The following DAB1 variants were observed in gnomAD, a reference collection of about 807,000 sequenced individuals.
DAB1 encodes the protein DAB adaptor protein 1, also known as disabled homolog 1.
In DAB1, 15 loss-of-function variants were observed where a neutral mutation model predicts 64.6. The observed-to-expected ratio is 0.23, with a 90% CI of 0.16 to 0.36. The LOEUF (loss-of-function observed/expected upper bound fraction) is 0.36, where lower values mean the gene tolerates loss of function less well. DAB1 is among the 10% of genes least tolerant of loss of function. The probability of loss-of-function intolerance (pLI) is 1.00; values close to 1 mark genes in which losing one functional copy is unlikely to be tolerated. For synonymous variants in DAB1, 235 were observed against 251.9 expected (o/e 0.93, Z 0.64); for missense variants, 596 against 706.7 (o/e 0.84, Z 1.78).
intron 1 of DAB1, among the ~76,000 whole-genome samples, chr1:57,342,271 A>G (rs895185116): frequency 3.9e-5 from 6 of 152,012 alleles, no homozygotes; most frequent in Non-Finnish European, 5.9e-5. Flanking sequence ...TTCTATTATC[A>G]TTCCCTCCAT....
chr1:57,989,054 G>A (rs1179078836), intron 5 of DAB1, among the ~76,000 whole-genome samples: 1 of 152,152 alleles, frequency 6.6e-6, no homozygotes. Context: ...TTGAAGTCAA[G>A]TGGGCCTGGG....
intron 1 of DAB1, among the ~76,000 whole-genome samples, chr1:57,401,098 T>A (rs1683208153): frequency 6.6e-6 from 1 of 151,964 alleles, no homozygotes; most frequent in Admixed American, 6.6e-5. Flanking sequence ...AATAATCAGA[T>A]AAGTATAAAA....
chr1:57,626,494 T>C (rs1176814121), intron 7 of DAB1, among the ~76,000 whole-genome samples: 1 of 152,238 alleles, frequency 6.6e-6, no homozygotes, highest in Non-Finnish European at 1.5e-5. Flanking sequence ...TCATCTTGAA[T>C]GCTGGCAGCT....
intron 2 of DAB1, among the ~76,000 whole-genome samples, chr1:57,227,823 C>G (rs1429635443): frequency 2.0e-5 from 3 of 152,108 alleles, no homozygotes; most frequent in Non-Finnish European, 4.4e-5. Flanking sequence ...TCCCAAAGTG[C>G]TAGGGTTACA....
intron 2 of DAB1, among the ~76,000 whole-genome samples, chr1:57,219,144 T>C (rs1047681020): frequency 2.0e-5 from 3 of 152,158 alleles, no homozygotes; most frequent in African/African-American, 7.2e-5. Context: ...TTAGTGAAAT[T>C]AAAAATAAAT....
chr1:58,534,435 T>C, intron 1 of DAB1: 2 of 588,764 alleles, frequency 3.4e-6, no homozygotes, highest in East Asian at 3.0e-5. Context: ...ATTTTAAGTT[T>C]TAATTATATA....
intron 1 of DAB1, among the ~76,000 whole-genome samples, chr1:57,877,754 C>T (rs1379387272): frequency 1.2e-5 from 1 of 82,500 alleles, no homozygotes; most frequent in Non-Finnish European, 2.4e-5. Flanking sequence ...TTAGTAGAGA[C>T]GGGGTTTCAC....
intron 7 of DAB1, among the ~76,000 whole-genome samples, chr1:57,489,182 GGAA>G (rs750609234): frequency 1.1e-4 from 16 of 152,146 alleles, no homozygotes; most frequent in Non-Finnish European, 2.2e-4. Context: ...GGCATTATTG[GGAA>G]GAAGGTATCA....
chr1:57,174,002 T>C (rs1394208861), intron 2 of DAB1, among the ~76,000 whole-genome samples: 1 of 152,176 alleles, frequency 6.6e-6, no homozygotes, highest in Non-Finnish European at 1.5e-5. Flanking sequence ...GGAATTATGC[T>C]TGGTTACTTC....
chr1:57,763,340 T>C (rs72914470), intron 6 of DAB1, among the ~76,000 whole-genome samples: 6,341 of 152,212 alleles, frequency 0.042, 434 homozygotes, highest in African/African-American at 0.14. Context: ...ATCAAACCTG[T>C]TTAGCAAAGT....
chr1:57,547,221 C>T (rs1305585930), intron 7 of DAB1, among the ~76,000 whole-genome samples: 3 of 149,020 alleles, frequency 2.0e-5, no homozygotes, highest in Non-Finnish European at 4.4e-5. Context: ...GCATAGACAA[C>T]AGTTACCCAA....
intron 7 of DAB1, among the ~76,000 whole-genome samples, chr1:57,613,995 A>G (rs1224787073): frequency 6.6e-6 from 1 of 152,156 alleles, no homozygotes; most frequent in Non-Finnish European, 1.5e-5. Flanking sequence ...GGTAGCAGGA[A>G]ATGAGGAGTC....
intron 7 of DAB1, among the ~76,000 whole-genome samples, chr1:57,583,407 C>T (rs1290879541): frequency 6.6e-6 from 1 of 151,830 alleles, no homozygotes; most frequent in Non-Finnish European, 1.5e-5. Context: ...CTGCCTCAGC[C>T]TCCCAAGTAG....
intron 11 of DAB1, among the ~76,000 whole-genome samples, chr1:57,017,937 T>G (rs1311874648): frequency 4.6e-5 from 7 of 152,062 alleles, no homozygotes; most frequent in African/African-American, 1.7e-4. Flanking sequence ...CTAGAAAATT[T>G]GTGGGGTGTG....
intron 4 of DAB1, among the ~76,000 whole-genome samples, chr1:58,175,816 T>G (rs1430907627): frequency 6.6e-6 from 1 of 152,198 alleles, no homozygotes; most frequent in East Asian, 1.9e-4. Flanking sequence ...GGTTCCAAAG[T>G]CTCGGGTTAT....
chr1:58,194,427 C>T (rs1469870411), intron 4 of DAB1, among the ~76,000 whole-genome samples: 1 of 152,160 alleles, frequency 6.6e-6, no homozygotes, highest in Non-Finnish European at 1.5e-5. Flanking sequence ...CTCATAAAAA[C>T]AAGTTAAGGC....
chr1:57,965,721 T>C (rs935029917), intron 5 of DAB1, among the ~76,000 whole-genome samples: 12 of 152,188 alleles, frequency 7.9e-5, no homozygotes, highest in African/African-American at 2.9e-4. Context: ...AAATGTTGTA[T>C]TGACTGATAA....
chr1:57,591,753 T>A (rs745517554), intron 7 of DAB1, among the ~76,000 whole-genome samples: 29 of 152,222 alleles, frequency 1.9e-4, no homozygotes, highest in Non-Finnish European at 8.8e-5. Flanking sequence ...CAGAATTTAT[T>A]ATTTTTTGCC....
Position 58,537,786 on chromosome 1 carries a change from C to T in DAB1, n.32+8917G>A, listed in dbSNP as rs931055816. On this transcript the variant is annotated intron_variant and non_coding_transcript_variant, in intron 1 of 20. Coordinates refer to the DAB1 transcript ENST00000485760. The stretch of plus-strand genomic sequence containing the variant: ...GACATAAATCAAACTATCGAGTATA[C>T]TTATTTCCTATTTAAAACTTTACAT... Among the ~76,000 whole-genome samples, 12 of 152,094 alleles carry T rather than the reference C, an allele frequency of 7.9e-5. No homozygotes were observed. In the East Asian group the frequency reaches 2.1e-3, roughly 27 times the overall value.
Sources: allele counts gnomAD v4.1 joint callset (sites outside exome capture counted in the v4.1 genomes callset), GRCh38; gene constraint gnomAD v4.1.1; transcripts MANE v1.5; gene names NCBI Gene and HGNC (gene_info 2026-07-23, HGNC 2026-07-21).